ELFN2: variants seen among roughly 807,000 people sequenced by gnomAD.
ELFN2 encodes extracellular leucine rich repeat and fibronectin type III domain containing 2, also known as protein phosphatase 1 regulatory subunit 29.
Under a neutral mutation model 45.5 loss-of-function variants are expected in ELFN2, and 17 were observed. The ratio of observed to expected loss-of-function variants is 0.37; its 90% CI spans 0.26 to 0.56. ELFN2 has a LOEUF of 0.56. Ranked by LOEUF, ELFN2 falls within the 20% of genes least tolerant of loss-of-function variation. The pLI is 0.77. For missense variants in ELFN2, 922 were observed against 1,183.2 expected (o/e 0.78, Z 3.24); for synonymous variants, 550 against 551.5 (o/e 1.00, Z 0.04).
At chr22:37,358,008 G>A (rs764314365) in intron 1 of ELFN2, among the ~76,000 whole-genome samples, 16 of 152,132 alleles carry the variant, frequency 1.1e-4, no homozygotes, top group African/African-American at 1.4e-4. Flanking sequence ...CATCCCTTGC[G>A]TGGCAGGGAT....
At chr22:37,401,092 C>T (rs536376687) in intron 2 of ELFN2, among the ~76,000 whole-genome samples, 1 of 152,302 alleles carries the variant, frequency 6.6e-6, no homozygotes, top group South Asian at 2.1e-4. Context: ...GAATTACAAG[C>T]GGAACATGCG....
chr22:37,363,706 C>T (rs9622611), downstream of ELFN2, among the ~76,000 whole-genome samples: 50,441 of 152,018 alleles, frequency 0.33, 9,512 homozygotes, highest in Admixed American at 0.55. Context: ...AGGAGTCTAG[C>T]CGTGAAACCC....
In ELFN2 at chr22:37,373,175, G is replaced by A; in HGVS notation, c.2360C>T (p.Ala787Val). 1 of 1,613,820 alleles carries A rather than the reference G, an allele frequency of 6.2e-7. No individual in the cohort carries two copies. Among genetic ancestry groups the A allele is most frequent in the East Asian group, 2.2e-5 (1 of 44,872 alleles). ...CTTCTTGCGCAGGGCGTGACCGGCG[G>A]CCATGTACACCTCCTCCCGGTGGTG... The part of the protein sequence containing the change: ...KKHHREEVYM[A>V]AGHALRKKVQ... The change falls in exon 3 of 3, where the codon GCC (alanine) becomes GTC (valine). Residue 787 changes from alanine to valine, a missense_variant. Physicochemically the swap from Ala to Val is moderately conservative, Grantham distance 64. Transcript: ENST00000402918.
intron 1 of ELFN2, among the ~76,000 whole-genome samples, chr22:37,350,846 C>A (rs1930805408): frequency 6.7e-6 from 1 of 150,246 alleles, no homozygotes; most frequent in Non-Finnish European, 1.5e-5. Flanking sequence ...TTCACCCCAC[C>A]TCCATCAGCC....
At chr22:37,383,940 C>T (rs544594617) in intron 2 of ELFN2, among the ~76,000 whole-genome samples, 1 of 152,272 alleles carries the variant, frequency 6.6e-6, no homozygotes, top group Admixed American at 6.5e-5. Flanking sequence ...GTCAGCACCT[C>T]ATTTCCCTGG....
At chr22:37,426,208 C>T (rs1482478557) in intron 1 of ELFN2, among the ~76,000 whole-genome samples, 5 of 152,158 alleles carry the variant, frequency 3.3e-5, no homozygotes, top group Admixed American at 3.3e-4. Flanking sequence ...CAGAAAGTGC[C>T]GAGTACCACG....
At chr22:37,398,395 CCT>C (rs1300110563) in intron 2 of ELFN2, among the ~76,000 whole-genome samples, 1 of 152,080 alleles carries the variant, frequency 6.6e-6, no homozygotes, top group Admixed American at 6.5e-5. Flanking sequence ...AGAAAGCAAA[CCT>C]CTCACCCTTT....
chr22:37,393,528 C>T (rs574029183), intron 2 of ELFN2, among the ~76,000 whole-genome samples: 1 of 152,242 alleles, frequency 6.6e-6, no homozygotes, highest in Non-Finnish European at 1.5e-5. Flanking sequence ...ACAACAGTAT[C>T]GATGAGGACA....
At chr22:37,425,804 G>A (rs1040524625) in intron 1 of ELFN2, among the ~76,000 whole-genome samples, 1 of 151,466 alleles carries the variant, frequency 6.6e-6, no homozygotes, top group Non-Finnish European at 1.5e-5. Flanking sequence ...TGATGGCCCA[G>A]ACGTGACACG....
rs948227846 is a variant in ELFN2 at position 37,392,771 on chromosome 22, A to G, written c.-462-16775T>C. Among the ~76,000 whole-genome samples the G allele has an allele frequency of 3.9e-5, 6 of 152,176 alleles. No individual in the cohort carries two copies. The South Asian group carries it at 1.0e-3, about 26-fold the overall frequency. On this transcript the variant is annotated intron_variant, in intron 2 of 2. Coordinates refer to ENST00000402918, the MANE Select transcript of ELFN2 (RefSeq NM_052906.5). ...CCACATATCTGTATATTCCACTCTC[A>G]GTGGCTGCTAGAGACCTCTGGTTGG...
intron 2 of ELFN2, among the ~76,000 whole-genome samples, chr22:37,379,468 C>T (rs1027319839): frequency 1.1e-4 from 16 of 152,180 alleles, no homozygotes; most frequent in African/African-American, 3.9e-4. Flanking sequence ...GCTCCCGTGC[C>T]CTGGCCTGAC....
intron 2 of ELFN2, among the ~76,000 whole-genome samples, chr22:37,377,606 C>T (rs1343374639): frequency 2.0e-5 from 3 of 152,278 alleles, no homozygotes; most frequent in South Asian, 2.1e-4. Context: ...ACAAGAAGTC[C>T]GAGGTGGGGA....
chr22:37,352,522 C>A, intron 1 of ELFN2: 1 of 151,006 alleles, frequency 6.6e-6, no homozygotes. Context: ...GGATGCTGAC[C>A]CAGGGTAAGG....
At chr22:37,384,782 C>T (rs1028196281) in intron 2 of ELFN2, 5 of 147,894 alleles carry the variant, frequency 3.4e-5, no homozygotes, top group African/African-American at 5.1e-5. Flanking sequence ...TGCCCTCTCC[C>T]GACCTGACCT....
At chr22:37,407,556 C>T (rs1932535967) in intron 2 of ELFN2, among the ~76,000 whole-genome samples, 1 of 152,108 alleles carries the variant, frequency 6.6e-6, no homozygotes, top group Admixed American at 6.5e-5. Flanking sequence ...TGTGGACAAG[C>T]GATGGGGCCA....
At chr22:37,404,654 A>C (rs1932450147) in intron 2 of ELFN2, among the ~76,000 whole-genome samples, 2 of 152,162 alleles carry the variant, frequency 1.3e-5, no homozygotes, top group Admixed American at 1.3e-4. Context: ...AGACTCAGGC[A>C]TCCCTTGCAC....
chr22:37,425,105 C>A (rs1932838335), intron 1 of ELFN2, among the ~76,000 whole-genome samples: 1 of 152,224 alleles, frequency 6.6e-6, no homozygotes, highest in Non-Finnish European at 1.5e-5. Context: ...TGGCCTCACG[C>A]TCCCTGGCTA....
chr22:37,399,716 A>G (rs6000714), intron 2 of ELFN2, among the ~76,000 whole-genome samples: 33,609 of 143,972 alleles, frequency 0.23, 7,186 homozygotes, highest in African/African-American at 0.6. Flanking sequence ...TGCGTCGCAC[A>G]CCTGGGCCAC....
At chr22:37,389,134 CCAAGGCCACATGGCTG>C (rs1932031321) in intron 2 of ELFN2, among the ~76,000 whole-genome samples, 1 of 152,116 alleles carries the variant, frequency 6.6e-6, no homozygotes, top group Non-Finnish European at 1.5e-5. Flanking sequence ...GCAGGTGCTG[CCAAGGCCACATGGCTG>C]CAAGGTTCTA....
Sources: allele counts gnomAD v4.1 joint callset (sites outside exome capture counted in the v4.1 genomes callset), GRCh38; gene constraint gnomAD v4.1.1; transcripts MANE v1.5; gene names NCBI Gene and HGNC (gene_info 2026-07-23, HGNC 2026-07-21).